The following DHRS7C variants were observed in gnomAD, a reference collection of about 807,000 sequenced individuals.
The protein encoded by DHRS7C is dehydrogenase/reductase SDR family member 7C.
In DHRS7C, 28 loss-of-function variants were observed where a neutral mutation model predicts 29.6. That is an observed-to-expected ratio of 0.95 (90% CI 0.70 to 1.30). The LOEUF is 1.30. Among genes scored for constraint, DHRS7C ranks in the 50% most tolerant of loss-of-function variants. The pLI, the probability that DHRS7C is intolerant of heterozygous loss-of-function variation, is 0.00. For missense variants in DHRS7C, 403 were observed against 393.3 expected, an observed-to-expected ratio of 1.02 and a Z score of -0.21; for synonymous variants, 158 against 160.2, an observed-to-expected ratio of 0.99 and a Z score of 0.10.
chr17:9,778,564 G>A (rs1327812337), intron 3 of DHRS7C, among the ~76,000 whole-genome samples: 2 of 152,178 alleles, frequency 1.3e-5, no homozygotes, highest in Admixed American at 6.5e-5. Flanking sequence ...TTTGATGCCA[G>A]TGAAGTCTCC....
chr17:9,789,130 C>G (rs964328520), intron 1 of DHRS7C, among the ~76,000 whole-genome samples: 2 of 152,120 alleles, frequency 1.3e-5, no homozygotes, highest in Non-Finnish European at 1.5e-5. Context: ...CCTAATAAGA[C>G]ACAAAACTAG....
chr17:9,777,729 TGGAA>T (rs1393502923), intron 3 of DHRS7C, among the ~76,000 whole-genome samples: 1 of 152,062 alleles, frequency 6.6e-6, no homozygotes, highest in Non-Finnish European at 1.5e-5. Context: ...TCTCCTAGTA[TGGAA>T]GGAAGAAGGA....
chr17:9,776,469 A>AT (rs1404446183), intron 4 of DHRS7C, among the ~76,000 whole-genome samples: 2 of 152,040 alleles, frequency 1.3e-5, no homozygotes, highest in African/African-American at 4.8e-5. Context: ...GGAACCTACT[A>AT]TTTTTTTCCC....
At chr17:9,777,137 C>G in intron 4 of DHRS7C, 56 bp downstream of exon 4, 2 of 1,461,102 alleles carry the variant, frequency 1.4e-6, no homozygotes, top group Non-Finnish European at 1.9e-6. Context: ...ACAGCTCTTG[C>G]CTTATACCAT....
chr17:9,780,985 A>T lies in DHRS7C; in HGVS notation c.267+497T>A, dbSNP rs906474894. Among the ~76,000 whole-genome samples, 5 of 152,200 alleles carry T rather than the reference A, an allele frequency of 3.3e-5. 1 individual carries two copies. The highest frequency in any genetic ancestry group is 7.3e-5 in the Non-Finnish European group (5 of 68,046). On this transcript the variant is annotated intron_variant, in intron 2 of 5. Transcript: ENST00000571134. The stretch of plus-strand genomic sequence containing the variant: ...CCAGCAAATGCAACCTCAAAGATAA[A>T]GATTAGAAAAATATATCCTGAAGGG...
chr17:9,786,367 T>TAAA (rs770226023), intron 1 of DHRS7C, among the ~76,000 whole-genome samples: 3 of 117,426 alleles, frequency 2.6e-5, no homozygotes, highest in South Asian at 5.0e-4. Context: ...ATAATAATAA[T>TAAA]TAATCAGAAA....
chr17:9,777,125 TA>T (rs1397216066), intron 4 of DHRS7C, 67 bp downstream of exon 4: 2 of 1,369,256 alleles, frequency 1.5e-6, no homozygotes, highest in Admixed American at 2.0e-5. Flanking sequence ...GTCTTAGACA[TA>T]ACAGCTCTTG....
chr17:9,788,543 AG>A (rs2066437252), intron 1 of DHRS7C, among the ~76,000 whole-genome samples: 1 of 152,232 alleles, frequency 6.6e-6, no homozygotes, highest in Non-Finnish European at 1.5e-5. Context: ...AGTGGGTACA[AG>A]GTGACAGGAT....
In DHRS7C at chr17:9,779,820, G is replaced by T. The variant is rs777488907; in HGVS notation, c.478+5C>A. ...ATACCCATGGGAAAGTCAAACTCAC[G>T]AGACCTTTCGTCAATGTGATGGGGC... On this transcript the variant is annotated splice_donor_5th_base_variant and intron_variant, in intron 3 of 5. Transcript: ENST00000571134. The T allele has an allele frequency of 1.9e-6, 3 of 1,609,622 alleles. No individual in the cohort carries two copies. The African/African-American group carries it at 4.0e-5, about 22-fold the overall frequency.
rs1205882162 is a variant in DHRS7C, at chr17:9,774,328, G to A, written c.572-1406C>T. Among the ~76,000 whole-genome samples the A allele has an allele frequency of 6.6e-6, 1 of 151,688 alleles. No homozygotes were observed. The highest frequency in any genetic ancestry group is 1.5e-5 in the Non-Finnish European group (1 of 67,904). ...GAGAGGGAGTCTTGCTCTGTTGTCCGGGCTGGAGTACAGTGGCTCAATCTC... is the reference window on the plus strand; with the variant it reads ...GAGAGGGAGTCTTGCTCTGTTGTCCAGGCTGGAGTACAGTGGCTCAATCTC... On this transcript the variant is annotated intron_variant, in intron 4 of 5. Transcript: ENST00000571134. This position sits in a 1 kb window ranked among gnomAD's most constrained non-coding sequence, Gnocchi z 5.0.
chr17:9,772,131 C>G (rs575733026), intron 5 of DHRS7C, among the ~76,000 whole-genome samples: 2 of 152,092 alleles, frequency 1.3e-5, no homozygotes, highest in Non-Finnish European at 2.9e-5. Context: ...CAAGGTGTAG[C>G]GCCTCTACGC....
chr17:9,779,765 C>A (rs1241051678), intron 3 of DHRS7C, 60 bp downstream of exon 3: 3 of 1,524,486 alleles, frequency 2.0e-6, no homozygotes, highest in African/African-American at 2.7e-5. Context: ...GGCTAATTAA[C>A]AGAGGCCTCT....
rs113579592 is a variant in DHRS7C at position 9,784,428 on chromosome 17, C to T, written c.155-2834G>A. ...CGGAGCTTGCAGTGAGCTGAGATTG[C>T]GCCACTGCACTCCAGCCTGGGGAAC... On this transcript the variant is annotated intron_variant, in intron 1 of 5. Transcript: ENST00000571134. 1.1e-3 allele frequency among the ~76,000 whole-genome samples: 160 copies of T among 150,752 alleles called. 1 individual carries two copies. Among genetic ancestry groups the T allele is most frequent in the Non-Finnish European group, 1.9e-3 (129 of 67,556 alleles).
At chr17:9,784,370 G>A (rs541875089) in intron 1 of DHRS7C, among the ~76,000 whole-genome samples, 2 of 152,230 alleles carry the variant, frequency 1.3e-5, no homozygotes, top group South Asian at 2.1e-4. Flanking sequence ...TACTTGTGAG[G>A]CTGAGGCAGG....
At chr17:9,790,611 T>C (rs767844519) in intron 1 of DHRS7C, among the ~76,000 whole-genome samples, 6 of 152,256 alleles carry the variant, frequency 3.9e-5, no homozygotes, top group Non-Finnish European at 7.3e-5. Flanking sequence ...TGATATCCAC[T>C]GTAGCTCCAG....
chr17:9,778,683 A>G (rs1240950879), intron 3 of DHRS7C, among the ~76,000 whole-genome samples: 2 of 152,190 alleles, frequency 1.3e-5, no homozygotes. Context: ...AGCTCTGGAA[A>G]GTCATCTTTC....
chr17:9,784,548 G>A (rs2066411878), intron 1 of DHRS7C, among the ~76,000 whole-genome samples: 1 of 152,034 alleles, frequency 6.6e-6, no homozygotes, highest in Non-Finnish European at 1.5e-5. Context: ...ATAAGTAAAG[G>A]ACAAGACAAA....
chr17:9,778,894 T>C (rs1186613687), intron 3 of DHRS7C, among the ~76,000 whole-genome samples: 3 of 152,044 alleles, frequency 2.0e-5, no homozygotes, highest in African/African-American at 7.2e-5. Context: ...TAAACTTTTA[T>C]TTTTTTGGAG....
intron 5 of DHRS7C, 49 bp from the exon 6 acceptor site, chr17:9,771,745 G>A (rs773313913): frequency 9.5e-6 from 13 of 1,362,406 alleles, no homozygotes; most frequent in Non-Finnish European, 1.2e-5. Flanking sequence ...GTGGGGACCC[G>A]GCTGGTCAGA....
Sources: allele counts gnomAD v4.1 joint callset (sites outside exome capture counted in the v4.1 genomes callset), GRCh38; gene constraint gnomAD v4.1.1; non-coding constraint Gnocchi (gnomAD v3.1); transcripts MANE v1.5; gene names NCBI Gene and HGNC (gene_info 2026-07-23, HGNC 2026-07-21).